Variants in REPS1 observed in about 807,000 individuals in gnomAD.
REPS1 encodes the protein RALBP1 associated Eps domain containing 1, also known as ralBP1-associated Eps domain-containing protein 1.
Under a neutral mutation model 100.9 loss-of-function variants are expected in REPS1, and 39 were observed. The observed-to-expected ratio is 0.39, with a 90% CI of 0.30 to 0.50. REPS1 has a LOEUF of 0.50. Ranked by LOEUF, REPS1 falls within the 20% of genes least tolerant of loss-of-function variation. REPS1 has a pLI of 0.86. For missense variants in REPS1, 821 were observed against 968.5 expected, an observed-to-expected ratio of 0.85 and a Z score of 2.02; for synonymous variants, 324 against 340.3, an observed-to-expected ratio of 0.95 and a Z score of 0.53.
chr6:138,918,587 CAATA>C (rs1780559117), intron 12 of REPS1, among the ~76,000 whole-genome samples: 1 of 152,110 alleles, frequency 6.6e-6, no homozygotes, highest in Admixed American at 6.5e-5. Flanking sequence ...TACATTTCTA[CAATA>C]AATACGTTAC....
At chr6:138,939,519 C>G (rs1461033573) in intron 8 of REPS1, among the ~76,000 whole-genome samples, 1 of 152,140 alleles carries the variant, frequency 6.6e-6, no homozygotes. Context: ...TATGCAAAAG[C>G]CAGATTCACT....
At chr6:138,979,198 C>CAAAAAAA (rs1277794755) in intron 1 of REPS1, among the ~76,000 whole-genome samples, 1 of 91,796 alleles carries the variant, frequency 1.1e-5, no homozygotes, top group African/African-American at 5.1e-5. Context: ...AAAAAAAAAA[C>CAAAAAAA]AAAAAAAAAA....
At chr6:138,962,124 A>C (rs575886389) in intron 1 of REPS1, among the ~76,000 whole-genome samples, 3 of 152,328 alleles carry the variant, frequency 2.0e-5, no homozygotes, top group African/African-American at 7.2e-5. Flanking sequence ...ACCTACTTGC[A>C]TCTTCTGTCC....
chr6:138,929,259 C>T (rs375601899), intron 9 of REPS1: 1 of 152,194 alleles, frequency 6.6e-6, no homozygotes, highest in Non-Finnish European at 1.5e-5. Context: ...TAAAATTTAA[C>T]AGAGGGGCCT....
intron 1 of REPS1, among the ~76,000 whole-genome samples, chr6:138,975,965 G>C (rs1784581044): frequency 6.6e-6 from 1 of 152,176 alleles, no homozygotes; most frequent in Non-Finnish European, 1.5e-5. Flanking sequence ...TCAAAATCTA[G>C]AACTGTCGTA....
At chr6:138,920,156 G>C in intron 12 of REPS1, 59 bp downstream of exon 12, 1 of 903,742 alleles carries the variant, frequency 1.1e-6, no homozygotes, top group Non-Finnish European at 1.9e-6. Flanking sequence ...ATCTGAAATA[G>C]TCAGACTCTA....
intron 1 of REPS1, among the ~76,000 whole-genome samples, chr6:138,954,844 CTAA>C (rs1302698151): frequency 5.3e-5 from 8 of 152,290 alleles, no homozygotes; most frequent in East Asian, 1.9e-4. Flanking sequence ...TTCATATACT[CTAA>C]TTTTTTTCTA....
At chr6:138,959,255 G>C (rs1318021137) in intron 1 of REPS1, among the ~76,000 whole-genome samples, 1 of 152,122 alleles carries the variant, frequency 6.6e-6, no homozygotes, top group South Asian at 2.1e-4. Flanking sequence ...TGCAGGGAAC[G>C]CTAAGAACAA....
chr6:138,917,694 A>G, intron 12 of REPS1, 67 bp from the exon 13 acceptor site: 1 of 1,298,364 alleles, frequency 7.7e-7, no homozygotes, highest in Non-Finnish European at 1.1e-6. Context: ...TCTACTCCAA[A>G]CAAATATAAG....
Position 138,908,798 on chromosome 6 carries a change from G to A in REPS1, c.2086C>T (p.Leu696Phe). 1 of 1,613,974 alleles carries A rather than the reference G, an allele frequency of 6.2e-7. No individual in the cohort carries two copies. Among genetic ancestry groups the A allele is most frequent in the Non-Finnish European group, 8.5e-7 (1 of 1,179,962 alleles). The change falls in exon 18 of 20, where the codon CTT (leucine) becomes TTT (phenylalanine). Residue 696 changes from leucine to phenylalanine, a missense_variant. Around this residue, in one of 3 missense-constraint regions of REPS1, gnomAD observed 757 missense variants for 866.4 expected, o/e 0.87. Coordinates refer to ENST00000450536, the MANE Select transcript of REPS1 (RefSeq NM_001286611.2). Reference protein sequence around the residue: ...PANVSKGTTPLAPPPKPVRRR... With the variant: ...PANVSKGTTPFAPPPKPVRRR... ...CGAACAGGTTTAGGTGGTGGAGCAAGTGGTGTTGTGCCTTTGCTCTTTAAG... is the reference window on the plus strand; with the variant it reads ...CGAACAGGTTTAGGTGGTGGAGCAAATGGTGTTGTGCCTTTGCTCTTTAAG...
At chr6:138,936,096 AG>A (rs945574232) in intron 8 of REPS1, among the ~76,000 whole-genome samples, 13 of 152,254 alleles carry the variant, frequency 8.5e-5, no homozygotes, top group African/African-American at 2.9e-4. Context: ...CGACTTTCAT[AG>A]CACAATTGCA....
At chr6:138,950,463 AG>A (rs1029300696) in intron 1 of REPS1, among the ~76,000 whole-genome samples, 5 of 152,206 alleles carry the variant, frequency 3.3e-5, no homozygotes, top group Non-Finnish European at 5.9e-5. Context: ...CCTGGGCAAC[AG>A]AGCAAGACTC....
chr6:138,939,006 C>A lies in REPS1; in HGVS notation c.1135+2329G>T, dbSNP rs928954084. On this transcript the variant is annotated intron_variant, in intron 8 of 19. Transcript: ENST00000450536. ...GGGACAACAAGTGCACACCACCACA[C>A]CCTGCTAATTTTTTTTATAATGATT... 2.6e-5 allele frequency among the ~76,000 whole-genome samples: 4 copies of A among 151,964 alleles called. No individual in the cohort carries two copies. In the South Asian group the frequency reaches 8.3e-4, roughly 32 times the overall value.
At chr6:138,966,888 C>T (rs1388481622) in intron 1 of REPS1, among the ~76,000 whole-genome samples, 1 of 152,218 alleles carries the variant, frequency 6.6e-6, no homozygotes, top group Admixed American at 6.5e-5. Flanking sequence ...ACAATACAAA[C>T]TACCTGCTGA....
At chr6:138,907,140 A>T (rs140700477) in intron 19 of REPS1, among the ~76,000 whole-genome samples, 1 of 152,128 alleles carries the variant, frequency 6.6e-6, no homozygotes, top group African/African-American at 2.4e-5. Flanking sequence ...GACCTGTTTA[A>T]GTCCCTTTAA....
chr6:138,915,398 A>G (rs1210315880), intron 14 of REPS1, among the ~76,000 whole-genome samples: 3 of 151,488 alleles, frequency 2.0e-5, no homozygotes, highest in African/African-American at 7.3e-5. Flanking sequence ...AGTCATTAAG[A>G]AAAGAAATTG....
At chr6:138,933,842 T>C (rs1209398409) in intron 8 of REPS1, among the ~76,000 whole-genome samples, 1 of 152,150 alleles carries the variant, frequency 6.6e-6, no homozygotes, top group Non-Finnish European at 1.5e-5. Context: ...TTAACCCATG[T>C]AAACAAAGAC....
At chr6:138,971,362 A>G (rs1019830704) in intron 1 of REPS1, among the ~76,000 whole-genome samples, 7 of 152,122 alleles carry the variant, frequency 4.6e-5, no homozygotes, top group African/African-American at 1.7e-4. Context: ...AAATCCTGTG[A>G]GTGTACCATG....
intron 1 of REPS1, among the ~76,000 whole-genome samples, chr6:138,983,740 G>C (rs1033918120): frequency 2.0e-5 from 3 of 152,130 alleles, no homozygotes; most frequent in African/African-American, 7.2e-5. Flanking sequence ...CCCAGTCTAT[G>C]TGACACTGTC....
Sources: gnomAD v4.1 joint callset for allele counts (sites outside exome capture counted in the v4.1 genomes callset) on GRCh38, gnomAD v4.1.1 for gene constraint, gnomAD v4.1.1 regional missense constraint, MANE v1.5 for transcripts, NCBI Gene and HGNC (gene_info 2026-07-23, HGNC 2026-07-21) for gene names.